The following AGBL1 variants were observed in gnomAD, a reference collection of about 807,000 sequenced individuals.
The protein encoded by AGBL1 is AGBL carboxypeptidase 1.
Under a neutral mutation model 118.9 loss-of-function variants are expected in AGBL1, and 130 were observed. The ratio of observed to expected loss-of-function variants is 1.09; its 90% CI spans 0.95 to 1.26. The LOEUF is 1.26. Ranked by LOEUF, AGBL1 falls within the 50% of genes most tolerant of loss-of-function variation. The pLI, the probability that AGBL1 is intolerant of heterozygous loss-of-function variation, is 0.00. For missense variants in AGBL1, 1,584 were observed against 1,298.1 expected (o/e 1.22, Z -3.38); for synonymous variants, 555 against 478.9 (o/e 1.16, Z -2.08).
chr15:86,902,319 A>T (rs1228346027), intron 22 of AGBL1, among the ~76,000 whole-genome samples: 1 of 152,124 alleles, frequency 6.6e-6, no homozygotes, highest in Non-Finnish European at 1.5e-5. Context: ...GTGGGCAGTG[A>T]TATCTCATTA....
intron 22 of AGBL1, among the ~76,000 whole-genome samples, chr15:86,798,502 C>G (rs1213175084): frequency 2.6e-5 from 4 of 151,900 alleles, no homozygotes; most frequent in South Asian, 2.1e-4. Flanking sequence ...CTCTGCTTTC[C>G]TTTGTTACTA....
At chr15:86,810,103 A>T (rs185230008) in intron 22 of AGBL1, among the ~76,000 whole-genome samples, 2 of 152,140 alleles carry the variant, frequency 1.3e-5, no homozygotes, top group East Asian at 1.9e-4. Context: ...AATAAGTTCA[A>T]ACTTGGGAAG....
intron 18 of AGBL1, among the ~76,000 whole-genome samples, chr15:86,493,028 T>C (rs1214600187): frequency 6.6e-6 from 1 of 152,098 alleles, no homozygotes; most frequent in Non-Finnish European, 1.5e-5. Context: ...ACCTCACCTC[T>C]ACTAAAAATA....
intron 1 of AGBL1, among the ~76,000 whole-genome samples, chr15:86,111,252 T>C (rs1897363121): frequency 1.3e-5 from 2 of 152,208 alleles, no homozygotes; most frequent in African/African-American, 4.8e-5. Flanking sequence ...ATGGATGGAC[T>C]GGGAATGGGA....
At chr15:86,200,721 A>T (rs908537270) in intron 5 of AGBL1, among the ~76,000 whole-genome samples, 2 of 151,594 alleles carry the variant, frequency 1.3e-5, no homozygotes, top group African/African-American at 4.9e-5. Flanking sequence ...GGTTCAAGCA[A>T]TTCTCCTGCT....
intron 23 of AGBL1, among the ~76,000 whole-genome samples, chr15:86,937,526 C>T (rs1391901299): frequency 6.6e-6 from 1 of 152,126 alleles, no homozygotes; most frequent in Admixed American, 6.5e-5. Context: ...AGGCCATTAT[C>T]CTCAGCAAAT....
At chr15:86,776,066 T>C (rs2078251130) in intron 22 of AGBL1, among the ~76,000 whole-genome samples, 1 of 152,192 alleles carries the variant, frequency 6.6e-6, no homozygotes, top group South Asian at 2.1e-4. Flanking sequence ...CTCTGATGAT[T>C]GTTCAGTGGT....
chr15:87,006,615 G>A (rs928267312), intron 24 of AGBL1, among the ~76,000 whole-genome samples: 2 of 152,168 alleles, frequency 1.3e-5, no homozygotes, highest in Non-Finnish European at 2.9e-5. Flanking sequence ...CTATGAAAGG[G>A]AATTCCCTGA....
intron 22 of AGBL1, among the ~76,000 whole-genome samples, chr15:86,701,838 C>G (rs921845499): frequency 6.7e-6 from 1 of 149,656 alleles, no homozygotes; most frequent in Non-Finnish European, 1.5e-5. Context: ...TTTCCACTCC[C>G]CATCTCTCCT....
At chr15:86,583,886 A>T (rs2084209181) in intron 21 of AGBL1, among the ~76,000 whole-genome samples, 1 of 152,006 alleles carries the variant, frequency 6.6e-6, no homozygotes, top group Non-Finnish European at 1.5e-5. Context: ...AGTTATTCTG[A>T]CTGGTGTGAG....
intron 22 of AGBL1, among the ~76,000 whole-genome samples, chr15:86,750,889 T>C (rs1394816721): frequency 6.6e-6 from 1 of 152,112 alleles, no homozygotes; most frequent in Admixed American, 6.6e-5. Context: ...GGACATGTGA[T>C]ATTTGGTTCT....
At chr15:86,260,812 A>T (rs1191874127) in intron 9 of AGBL1, among the ~76,000 whole-genome samples, 1 of 152,222 alleles carries the variant, frequency 6.6e-6, no homozygotes. Flanking sequence ...TACCTGGATT[A>T]GGTGGGTACC....
intron 21 of AGBL1, among the ~76,000 whole-genome samples, chr15:86,631,856 T>G (rs59779984): frequency 0.12 from 17,503 of 152,174 alleles, 1,147 homozygotes; most frequent in East Asian, 0.15. Flanking sequence ...TTCTTCCCTC[T>G]GTTCTCATTG....
chr15:86,137,881 G>A (rs1567078580), intron 1 of AGBL1, among the ~76,000 whole-genome samples: 1 of 152,112 alleles, frequency 6.6e-6, no homozygotes, highest in Non-Finnish European at 1.5e-5. Flanking sequence ...TTGGCCACAG[G>A]TCAAACCAAT....
intron 19 of AGBL1, among the ~76,000 whole-genome samples, chr15:86,540,203 C>G (rs138984984): frequency 2.2e-4 from 34 of 152,040 alleles, no homozygotes; most frequent in African/African-American, 8.0e-4. Context: ...ATTATTGTTA[C>G]GGAGAGCAGT....
At chr15:86,297,375 G>T in intron 17 of AGBL1, among the ~76,000 whole-genome samples, 1 of 152,192 alleles carries the variant, frequency 6.6e-6, no homozygotes, top group East Asian at 1.9e-4. Context: ...ATCTTCATAG[G>T]TGTGTCACCT....
downstream of AGBL1, among the ~76,000 whole-genome samples, chr15:86,919,305 A>G (rs933441142): frequency 3.3e-5 from 5 of 152,224 alleles, no homozygotes; most frequent in African/African-American, 1.2e-4. Context: ...CTGTTGAAAT[A>G]GATTTTCCTG....
intron 18 of AGBL1, among the ~76,000 whole-genome samples, chr15:86,407,468 T>G (rs2081545960): frequency 1.3e-5 from 2 of 152,160 alleles, no homozygotes; most frequent in Middle Eastern, 3.2e-3. Flanking sequence ...CCAATATATG[T>G]CTTGTAAGTC....
intron 22 of AGBL1, among the ~76,000 whole-genome samples, chr15:86,680,281 T>C (rs1288863461): frequency 6.6e-6 from 1 of 152,174 alleles, no homozygotes; most frequent in Non-Finnish European, 1.5e-5. Flanking sequence ...TGTTGATTCA[T>C]CTTACATTTT....
Sources: allele counts gnomAD v4.1 joint callset (sites outside exome capture counted in the v4.1 genomes callset), GRCh38; gene constraint gnomAD v4.1.1; transcripts MANE v1.5; gene names NCBI Gene and HGNC (gene_info 2026-07-23, HGNC 2026-07-21).